Variants in CACNB4 observed in about 807,000 individuals in gnomAD.
CACNB4 encodes the protein calcium voltage-gated channel auxiliary subunit beta 4.
Under a neutral mutation model 71.2 loss-of-function variants are expected in CACNB4, and 32 were observed. The ratio of observed to expected loss-of-function variants is 0.45; its 90% CI spans 0.34 to 0.60. The LOEUF is 0.60. Ranked by LOEUF, CACNB4 falls within the 20% of genes least tolerant of loss-of-function variation. CACNB4 has a pLI of 0.01. For synonymous variants in CACNB4, 231 were observed against 236.9 expected (o/e 0.97, Z 0.23); for missense variants, 464 against 647.9 (o/e 0.72, Z 3.08).
At chr2:151,920,025 T>C (rs1289054784) in intron 2 of CACNB4, among the ~76,000 whole-genome samples, 1 of 152,248 alleles carries the variant, frequency 6.6e-6, no homozygotes, top group African/African-American at 2.4e-5. Flanking sequence ...CCAAGTTAAA[T>C]GCCTTGCAAT....
At chr2:151,995,625 C>T (rs1681998977) in intron 2 of CACNB4, among the ~76,000 whole-genome samples, 1 of 152,198 alleles carries the variant, frequency 6.6e-6, no homozygotes, top group Non-Finnish European at 1.5e-5. Context: ...AGGAGAGTGG[C>T]GTGAACCCAG....
chr2:151,845,201 T>C (rs1217333072), intron 12 of CACNB4, among the ~76,000 whole-genome samples: 2 of 152,260 alleles, frequency 1.3e-5, no homozygotes, highest in African/African-American at 4.8e-5. Flanking sequence ...ATAGAATTTG[T>C]ATATATCAGC....
intron 2 of CACNB4, among the ~76,000 whole-genome samples, chr2:152,058,940 G>A (rs550263594): frequency 3.3e-5 from 5 of 152,350 alleles, no homozygotes; most frequent in African/African-American, 1.2e-4. Flanking sequence ...TGGCTAAAAG[G>A]GGCGAAGGTA....
rs552908597 is a variant in CACNB4 at position 151,834,228 on chromosome 2, G to A, written c.*4891C>T. The A allele has an allele frequency of 6.6e-6, 1 of 152,100 alleles. No individual in the cohort carries two copies. The highest frequency in any genetic ancestry group is 2.4e-5 in the African/African-American group (1 of 41,556). The allele number at this position is 152,100 out of a possible 1,614,324, so 9.4% of individuals were successfully genotyped here. A position where few individuals can be genotyped will look rare whatever the true frequency, so the allele number is the denominator to read the frequency against. ...TTGTAACTCCTTATAATTTTCAAATGAGGAAGTATCAGTGTATTCTCCCAA... is the reference window on the plus strand; with the variant it reads ...TTGTAACTCCTTATAATTTTCAAATAAGGAAGTATCAGTGTATTCTCCCAA... On this transcript the variant is annotated 3_prime_UTR_variant, in exon 14 of 14. Transcript: ENST00000539935.
At chr2:151,893,361 C>T (rs1037932805) in intron 2 of CACNB4, among the ~76,000 whole-genome samples, 2 of 152,096 alleles carry the variant, frequency 1.3e-5, no homozygotes, top group African/African-American at 2.4e-5. Flanking sequence ...CGTGCCTCAG[C>T]CTCCTTAATA....
intron 4 of CACNB4, chr2:151,880,565 A>C: frequency 1.9e-6 from 1 of 518,674 alleles, no homozygotes; most frequent in Non-Finnish European, 3.4e-6. Context: ...TCAGAAATCT[A>C]TGCTATAATT....
chr2:151,848,230 C>T (rs1201602741), intron 12 of CACNB4, among the ~76,000 whole-genome samples: 2 of 152,192 alleles, frequency 1.3e-5, no homozygotes, highest in East Asian at 3.8e-4. Flanking sequence ...TACCCAAGTC[C>T]AGTGGCTGAA....
At chr2:151,883,899 G>A (rs1375269747) in intron 2 of CACNB4, 1 of 199,080 alleles carries the variant, frequency 5.0e-6, no homozygotes, top group Non-Finnish European at 1.0e-5. Flanking sequence ...TTCAATCATT[G>A]TCCTGCAGCA....
chr2:151,990,742 T>C (rs773437436), intron 2 of CACNB4, among the ~76,000 whole-genome samples: 3 of 152,104 alleles, frequency 2.0e-5, no homozygotes, highest in Non-Finnish European at 4.4e-5. Flanking sequence ...TTCAACTGAG[T>C]GAGCAAACAG....
At chr2:152,049,157 CTCT>C (rs1685286801) in intron 2 of CACNB4, among the ~76,000 whole-genome samples, 1 of 151,306 alleles carries the variant, frequency 6.6e-6, no homozygotes, top group African/African-American at 2.4e-5. Context: ...TTTGCATTCT[CTCT>C]TTTTTTTTTT....
At chr2:152,027,259 T>C (rs772907119) in intron 2 of CACNB4, among the ~76,000 whole-genome samples, 32 of 152,206 alleles carry the variant, frequency 2.1e-4, no homozygotes, top group Non-Finnish European at 4.1e-4. Flanking sequence ...CCTCCTCCCA[T>C]TTTTCTGGCC....
intron 2 of CACNB4, among the ~76,000 whole-genome samples, chr2:152,072,046 C>A (rs1384628388): frequency 6.6e-6 from 1 of 152,216 alleles, no homozygotes; most frequent in East Asian, 1.9e-4. Context: ...TGATGAAATG[C>A]AACAAAAATT....
intron 2 of CACNB4, among the ~76,000 whole-genome samples, chr2:151,955,766 G>A (rs567996140): frequency 7.9e-5 from 12 of 152,066 alleles, no homozygotes; most frequent in Non-Finnish European, 1.6e-4. Flanking sequence ...GCCAGGTGTG[G>A]TGGTACACGC....
intron 2 of CACNB4, among the ~76,000 whole-genome samples, chr2:152,091,622 T>C (rs1399688485): frequency 6.6e-6 from 1 of 151,808 alleles, no homozygotes; most frequent in Non-Finnish European, 1.5e-5. Flanking sequence ...TGGGCAAGAG[T>C]GAGACTCCTT....
Position 151,839,349 on chromosome 2 carries a change from T to C in CACNB4, c.1333A>G (p.Thr445Ala), listed in dbSNP as rs2099835585. Residue 445 changes from threonine to alanine, a missense_variant, in exon 14 of 14, where the codon ACA (threonine) becomes GCA (alanine). By Grantham distance (58) the Thr-to-Ala change is moderately conservative. Around this residue, in one of 3 missense-constraint regions of CACNB4, gnomAD observed 115 missense variants for 128.8 expected, o/e 0.89. Coordinates refer to ENST00000539935, the MANE Select transcript of CACNB4 (RefSeq NM_000726.5). ...CGTCTTTCAATTGGAGAGTTCTCTG[T>C]GGAGTGGTTGCTGTGCCTCATTCGC... is the stretch of plus-strand genomic sequence containing the variant. ...SQRMRHSNHS[T>A]ENSPIERRSL... 1 of 1,611,776 alleles carries C rather than the reference T, an allele frequency of 6.2e-7. No individual in the cohort carries two copies.
intron 2 of CACNB4, among the ~76,000 whole-genome samples, chr2:151,993,951 T>A (rs1681882364): frequency 6.6e-6 from 1 of 151,590 alleles, no homozygotes; most frequent in Non-Finnish European, 1.5e-5. Context: ...GCAGGAGGAT[T>A]GCTTGAGCCC....
chr2:151,992,923 G>C (rs1681792086), intron 2 of CACNB4, among the ~76,000 whole-genome samples: 1 of 152,202 alleles, frequency 6.6e-6, no homozygotes, highest in African/African-American at 2.4e-5. Context: ...AAATAGTTCT[G>C]CAAGCAATGC....
Position 151,839,186 on chromosome 2 carries a change from G to A in CACNB4, c.1496C>T (p.Thr499Ile), listed in dbSNP as rs770682557. The A allele has an allele frequency of 7.4e-6, 12 of 1,613,550 alleles. No homozygotes were observed. The highest frequency in any genetic ancestry group is 1.0e-5 in the Non-Finnish European group (12 of 1,179,526). ...TCCTCGGTTCCTATGGGGTTTGTAAGTGTCCTGGTATGAGTCAGGGTAATC... is the reference window on the plus strand; with the variant it reads ...TCCTCGGTTCCTATGGGGTTTGTAAATGTCCTGGTATGAGTCAGGGTAATC... ...EEDYPDSYQD[T>I]YKPHRNRGSP... Residue 499 changes from threonine to isoleucine, a missense_variant, in exon 14 of 14, where the codon ACT becomes ATT. By Grantham distance (89) the Thr-to-Ile change is moderately conservative. Transcript: ENST00000539935.
intron 2 of CACNB4, among the ~76,000 whole-genome samples, chr2:151,960,038 A>G (rs2099869248): frequency 6.6e-6 from 1 of 152,232 alleles, no homozygotes; most frequent in African/African-American, 2.4e-5. Context: ...TAAGAATTTG[A>G]GTTATAAAAA....
Sources: gnomAD v4.1 joint callset for allele counts (sites outside exome capture counted in the v4.1 genomes callset) on GRCh38, gnomAD v4.1.1 for gene constraint, gnomAD v4.1.1 regional missense constraint, MANE v1.5 for transcripts, NCBI Gene and HGNC (gene_info 2026-07-23, HGNC 2026-07-21) for gene names.